Variants in XPR1 observed in about 807,000 individuals in gnomAD.
XPR1 encodes the protein xenotropic and polytropic retrovirus receptor 1, also known as solute carrier family 53 member 1.
XPR1 carries 28 observed loss-of-function variants against 87.5 expected under a neutral mutation model. The observed-to-expected ratio is 0.32, with a 90% confidence interval of 0.24 to 0.44. The LOEUF (loss-of-function observed/expected upper bound fraction) is 0.44, where lower values mean the gene tolerates loss of function less well. Ranked by LOEUF, XPR1 falls within the 20% of genes least tolerant of loss-of-function variation. XPR1 has a pLI of 1.00. For synonymous variants in XPR1, 300 were observed against 306.1 expected, an observed-to-expected ratio of 0.98 and a Z score of 0.21; for missense variants, 559 against 862.3, an observed-to-expected ratio of 0.65 and a Z score of 4.41.
At chr1:180,748,503 C>T (rs1181822865) in intron 2 of XPR1, among the ~76,000 whole-genome samples, 1 of 136,888 alleles carries the variant, frequency 7.3e-6, no homozygotes, top group African/African-American at 2.7e-5. Flanking sequence ...ACTGCAACCT[C>T]TGCCTCCCGG....
intron 2 of XPR1, among the ~76,000 whole-genome samples, chr1:180,707,831 A>T (rs972130786): frequency 6.6e-6 from 1 of 152,172 alleles, no homozygotes; most frequent in Non-Finnish European, 1.5e-5. Context: ...GGTCCTGATT[A>T]TGGTTGTGGA....
chr1:180,783,613 TTTA>T (rs1299371010), intron 2 of XPR1, among the ~76,000 whole-genome samples: 1 of 152,100 alleles, frequency 6.6e-6, no homozygotes, highest in Non-Finnish European at 1.5e-5. Context: ...TATTCTGTTA[TTTA>T]TTTTTTCCTC....
At chr1:180,854,708 A>G (rs1382779792) in intron 11 of XPR1, among the ~76,000 whole-genome samples, 1 of 152,070 alleles carries the variant, frequency 6.6e-6, no homozygotes, top group Non-Finnish European at 1.5e-5. Context: ...GTTTTTAGGG[A>G]CTGGTTTCTG....
intron 2 of XPR1, among the ~76,000 whole-genome samples, chr1:180,738,345 A>C (rs1481485149): frequency 4.6e-5 from 7 of 152,180 alleles, no homozygotes; most frequent in African/African-American, 7.2e-5. Flanking sequence ...ACTGTTTTCC[A>C]GAGTAGCTGT....
At chr1:180,706,268 T>C (rs1301419586) in intron 2 of XPR1, among the ~76,000 whole-genome samples, 4 of 152,226 alleles carry the variant, frequency 2.6e-5, no homozygotes, top group Admixed American at 6.5e-5. Flanking sequence ...CATAAAAATA[T>C]AGGCTTTGTG....
chr1:180,883,680 G>A (rs1381551715), intron 14 of XPR1, among the ~76,000 whole-genome samples: 2 of 143,374 alleles, frequency 1.4e-5, no homozygotes, highest in African/African-American at 5.2e-5. Context: ...CTGCACTCCA[G>A]CCTGGCGACA....
intron 11 of XPR1, among the ~76,000 whole-genome samples, chr1:180,854,545 A>G (rs1215877268): frequency 5.9e-5 from 9 of 152,242 alleles, no homozygotes; most frequent in Non-Finnish European, 1.3e-4. Flanking sequence ...TCTGTGGACC[A>G]GCCAGAACGA....
At chr1:180,875,226 G>C (rs1652622792) in intron 13 of XPR1, among the ~76,000 whole-genome samples, 1 of 152,160 alleles carries the variant, frequency 6.6e-6, no homozygotes, top group East Asian at 1.9e-4. Context: ...AATATTTTGA[G>C]TAGCCAGGCA....
chr1:180,661,385 A>G (rs1013699959), intron 1 of XPR1, among the ~76,000 whole-genome samples: 2 of 148,808 alleles, frequency 1.3e-5, no homozygotes, highest in Non-Finnish European at 3.0e-5. Flanking sequence ...CCATTTCGTT[A>G]TTTGTTTTCT....
At chr1:180,633,158 A>G (rs1294562753) in intron 1 of XPR1, among the ~76,000 whole-genome samples, 2 of 152,228 alleles carry the variant, frequency 1.3e-5, no homozygotes, top group African/African-American at 2.4e-5. Context: ...GCTGGAAGGT[A>G]TTTAATAGAT....
rs542832520 is a variant in XPR1, at chr1:180,724,798, C to A, written c.121+42387C>A. Reference sequence around the variant, plus strand: ...TCATTGTATTGAGAGGTAATATCTGCTTTAATATTTCCTCAGTTATCAATT... The same window carrying A: ...TCATTGTATTGAGAGGTAATATCTGATTTAATATTTCCTCAGTTATCAATT... On this transcript the variant is annotated intron_variant, in intron 2 of 14. Transcript: ENST00000367590. Among the ~76,000 whole-genome samples the A allele has an allele frequency of 1.6e-3, 251 of 152,214 alleles. 1 individual carries two copies. The highest frequency in any genetic ancestry group is 2.7e-3 in the Non-Finnish European group (185 of 68,000).
intron 2 of XPR1, among the ~76,000 whole-genome samples, chr1:180,706,762 C>T (rs1229381247): frequency 6.6e-6 from 1 of 152,120 alleles, no homozygotes; most frequent in East Asian, 1.9e-4. Context: ...CAGGTGCAAG[C>T]CACCATGCCT....
At chr1:180,811,546 T>A (rs1650213660) in intron 7 of XPR1, 58 bp downstream of exon 7, 11 of 1,366,918 alleles carry the variant, frequency 8.0e-6, no homozygotes, top group Non-Finnish European at 1.0e-5. Flanking sequence ...TGTCATATTC[T>A]GCCCCTCTGT....
intron 1 of XPR1, among the ~76,000 whole-genome samples, chr1:180,671,747 T>C (rs1656186521): frequency 6.6e-6 from 1 of 152,126 alleles, no homozygotes; most frequent in Non-Finnish European, 1.5e-5. Context: ...ACTCCTGACC[T>C]TGTGATCTGC....
chr1:180,842,841 CTCTT>C (rs1257442104), intron 11 of XPR1, among the ~76,000 whole-genome samples: 1 of 152,164 alleles, frequency 6.6e-6, no homozygotes, highest in African/African-American at 2.4e-5. Context: ...ATTTAGTTAG[CTCTT>C]TGTTACTCTT....
At chr1:180,703,023 G>C (rs78815335) in intron 2 of XPR1, among the ~76,000 whole-genome samples, 188 of 152,226 alleles carry the variant, frequency 1.2e-3, no homozygotes, top group African/African-American at 4.3e-3. Context: ...CAGTAGTGTA[G>C]TTTCTGAATT....
intron 9 of XPR1, among the ~76,000 whole-genome samples, chr1:180,829,854 C>T (rs952615932): frequency 1.3e-5 from 2 of 151,644 alleles, no homozygotes; most frequent in Non-Finnish European, 2.9e-5. Context: ...TCAGTCCTAT[C>T]CTTTTTCAGT....
At chr1:180,639,022 C>T (rs1362927424) in intron 1 of XPR1, among the ~76,000 whole-genome samples, 1 of 152,110 alleles carries the variant, frequency 6.6e-6, no homozygotes, top group Non-Finnish European at 1.5e-5. Flanking sequence ...TTAGGCTGGG[C>T]ATGGTGGCTC....
At chr1:180,721,997 T>G (rs1016613589) in intron 2 of XPR1, among the ~76,000 whole-genome samples, 1 of 152,062 alleles carries the variant, frequency 6.6e-6, no homozygotes, top group Admixed American at 6.6e-5. Context: ...GCTTGGTGGC[T>G]CCTGCCTGTA....
Sources: gnomAD v4.1 joint callset for allele counts (sites outside exome capture counted in the v4.1 genomes callset) on GRCh38, gnomAD v4.1.1 for gene constraint, MANE v1.5 for transcripts, NCBI Gene and HGNC (gene_info 2026-07-23, HGNC 2026-07-21) for gene names.